Variants in OPHN1 observed in about 807,000 individuals in gnomAD.
The protein encoded by OPHN1 is oligophrenin 1.
A neutral mutation model predicts 60.7 loss-of-function variants in OPHN1; 11 were observed. That is an observed-to-expected ratio of 0.18 (90% confidence interval 0.11 to 0.30). OPHN1 has a LOEUF of 0.30. Among genes scored for constraint, OPHN1 ranks in the 10% least tolerant of loss-of-function variants. OPHN1 has a pLI of 1.00. For synonymous variants in OPHN1, 226 were observed against 222.6 expected (o/e 1.02, Z -0.14); for missense variants, 449 against 611.0 (o/e 0.73, Z 2.80).
intron 2 of OPHN1, among the ~76,000 whole-genome samples, chrX:68,384,440 C>A (rs1165681152): frequency 8.9e-6 from 1 of 112,081 alleles, no homozygotes; most frequent in Non-Finnish European, 1.9e-5. Context: ...TGTCTTTTGG[C>A]CGGGCACCGT....
Position 68,096,987 on chromosome X carries a change from G to T in OPHN1, c.1569C>A (p.Asn523Lys), listed in dbSNP as rs1181743475. ...HSKENLMTPS[N>K]MGVIFGPTLM... ...GGGTGGGCCCAAAGATTACTCCCAT[G>T]TTGGAGGGGGTCATAAGATTCTCTT... is the stretch of plus-strand genomic sequence containing the variant. The change falls in exon 19 of 25, where the codon AAC becomes AAA. Residue 523 changes from asparagine (N) to lysine (K), a missense_variant. Around this residue, in one of 4 missense-constraint regions of OPHN1, gnomAD observed 166 missense variants for 278.4 expected, o/e 0.60. Transcript: ENST00000355520. The T allele has an allele frequency of 8.3e-7, 1 of 1,210,063 alleles. No individual in the cohort carries two copies. Among genetic ancestry groups the T allele is most frequent in the Non-Finnish European group, 1.1e-6 (1 of 894,647 alleles).
At chrX:68,115,663 G>C (rs1310375928) in intron 16 of OPHN1, among the ~76,000 whole-genome samples, 1 of 112,078 alleles carries the variant, frequency 8.9e-6, no homozygotes, top group Admixed American at 9.5e-5. Flanking sequence ...TGGAGCAGAG[G>C]GGGTAAGAGT....
At chrX:68,230,299 C>G (rs907573539) in intron 6 of OPHN1, among the ~76,000 whole-genome samples, 14 of 111,612 alleles carry the variant, frequency 1.3e-4, no homozygotes, top group Admixed American at 5.7e-4. Flanking sequence ...AATAGGAACA[C>G]TTTTACACTG....
intron 5 of OPHN1, among the ~76,000 whole-genome samples, chrX:68,258,335 G>GTGTGC (rs1468743100): frequency 9.6e-6 from 1 of 104,281 alleles, no homozygotes; most frequent in Non-Finnish European, 1.9e-5. Context: ...TGCCATGTTG[G>GTGTGC]TGTGCTGCAC....
intron 2 of OPHN1, among the ~76,000 whole-genome samples, chrX:68,399,342 T>G (rs1453511747): frequency 9.0e-6 from 1 of 110,944 alleles, no homozygotes; most frequent in African/African-American, 3.3e-5. Context: ...GCACATCACT[T>G]GAATCTTCCT....
At chrX:68,381,348 G>A (rs2078595462) in intron 2 of OPHN1, among the ~76,000 whole-genome samples, 1 of 111,676 alleles carries the variant, frequency 9.0e-6, no homozygotes, top group African/African-American at 3.3e-5. Context: ...ATTTCCTTGA[G>A]GATAGGGATT....
At chrX:68,076,013 G>T (rs1670330725) in intron 19 of OPHN1, among the ~76,000 whole-genome samples, 1 of 109,908 alleles carries the variant, frequency 9.1e-6, no homozygotes, top group African/African-American at 3.3e-5. Flanking sequence ...TGTTAAGAAT[G>T]AAAAGAAAAA....
At chrX:68,279,606 T>C (rs1180410376) in intron 4 of OPHN1, among the ~76,000 whole-genome samples, 2 of 111,296 alleles carry the variant, frequency 1.8e-5, no homozygotes, top group Non-Finnish European at 3.8e-5. Flanking sequence ...AAATGCAATA[T>C]AAGACCCACT....
intron 18 of OPHN1, among the ~76,000 whole-genome samples, chrX:68,111,540 G>T (rs760654377): frequency 1.8e-5 from 2 of 112,295 alleles, no homozygotes; most frequent in Non-Finnish European, 3.8e-5. Context: ...GACTCAGAGA[G>T]GTTTGCCTGA....
chrX:68,277,095 C>A (rs1051052354), intron 4 of OPHN1, among the ~76,000 whole-genome samples: 2 of 112,229 alleles, frequency 1.8e-5, no homozygotes, highest in Non-Finnish European at 3.8e-5. Flanking sequence ...CAGTAATCTG[C>A]AACCTTTTTG....
intron 2 of OPHN1, among the ~76,000 whole-genome samples, chrX:68,387,525 C>T (rs1753075819): frequency 9.0e-6 from 1 of 111,505 alleles, no homozygotes; most frequent in Non-Finnish European, 1.9e-5. Flanking sequence ...AATACTGTAT[C>T]TGTTTGTTTA....
intron 15 of OPHN1, among the ~76,000 whole-genome samples, chrX:68,126,999 C>T (rs2077174464): frequency 8.9e-6 from 1 of 112,078 alleles, no homozygotes; most frequent in South Asian, 3.7e-4. Context: ...AAATTTGACT[C>T]TTGCTTGTCT....
chrX:68,262,552 G>A (rs1228322400), intron 5 of OPHN1, among the ~76,000 whole-genome samples: 1 of 112,099 alleles, frequency 8.9e-6, no homozygotes, highest in Non-Finnish European at 1.9e-5. Context: ...GGGAGGCCAA[G>A]GTGGGTGGAT....
At chrX:68,132,989 G>C in intron 15 of OPHN1, 1 of 469,816 alleles carries the variant, frequency 2.1e-6, no homozygotes, top group African/African-American at 2.3e-5. Flanking sequence ...CAGGCCCCCG[G>C]ACGCCAAGCC....
chrX:68,209,507 A>C, intron 9 of OPHN1, among the ~76,000 whole-genome samples: 1 of 111,803 alleles, frequency 8.9e-6, no homozygotes, highest in East Asian at 2.8e-4. Flanking sequence ...ATGAGGCTGT[A>C]GTGAGCTATG....
chrX:68,104,610 A>T (rs999290658), intron 18 of OPHN1, among the ~76,000 whole-genome samples: 1 of 112,246 alleles, frequency 8.9e-6, no homozygotes, highest in Non-Finnish European at 1.9e-5. Flanking sequence ...CTGGTTTGCC[A>T]TATGCAGAAA....
At position 68,119,885 on chromosome X, in the gene OPHN1, G is replaced by T. The variant is rs756860863; in HGVS notation, c.1277-553C>A. 5.4e-5 allele frequency among the ~76,000 whole-genome samples: 6 copies of T among 111,569 alleles called. No individual in the cohort carries two copies. In the South Asian group the frequency reaches 2.3e-3, roughly 43 times the overall value. On this transcript the variant is annotated intron_variant, in intron 15 of 24. Coordinates refer to ENST00000355520, the MANE Select transcript of OPHN1 (RefSeq NM_002547.3). Reference sequence around the variant, plus strand: ...AAAATCCCCTCATGCTTCCAGCAGGGGGGAAAGATAAGTAGTCATTTAAAA... The same window carrying T: ...AAAATCCCCTCATGCTTCCAGCAGGTGGGAAAGATAAGTAGTCATTTAAAA...
Position 68,261,518 on chromosome X carries a change from G to A in OPHN1, c.384+13220C>T, listed in dbSNP as rs185811450. Among the ~76,000 whole-genome samples, 646 of 111,050 alleles carry A rather than the reference G, an allele frequency of 5.8e-3. 7 individuals are homozygous for A. Among genetic ancestry groups the A allele is most frequent in the African/African-American group, 0.02 (615 of 30,507 alleles). On this transcript the variant is annotated intron_variant, in intron 5 of 24. Coordinates refer to ENST00000355520, the MANE Select transcript of OPHN1 (RefSeq NM_002547.3). ...GGAAGTTGCATGATTATAGGAAGGCGAATAGTGGTGAGAACAGTTCTGCAA... is the reference window on the plus strand; with the variant it reads ...GGAAGTTGCATGATTATAGGAAGGCAAATAGTGGTGAGAACAGTTCTGCAA...
intron 15 of OPHN1, among the ~76,000 whole-genome samples, chrX:68,139,390 A>C (rs1022690306): frequency 8.9e-6 from 1 of 112,117 alleles, no homozygotes; most frequent in Non-Finnish European, 1.9e-5. Flanking sequence ...ATATGATTTT[A>C]GTATGAAATC....
Sources: gnomAD v4.1 joint callset for allele counts (sites outside exome capture counted in the v4.1 genomes callset) on GRCh38, gnomAD v4.1.1 for gene constraint, gnomAD v4.1.1 regional missense constraint, MANE v1.5 for transcripts, NCBI Gene and HGNC (gene_info 2026-07-23, HGNC 2026-07-21) for gene names.